Variants in SOWAHC observed in about 807,000 individuals in gnomAD.
The protein encoded by SOWAHC is ankyrin repeat domain-containing protein SOWAHC.
In SOWAHC, 12 loss-of-function variants were observed where a neutral mutation model predicts 14.4. The ratio of observed to expected loss-of-function variants is 0.83; its 90% CI spans 0.53 to 1.35. The LOEUF (loss-of-function observed/expected upper bound fraction) is 1.35. Among genes scored for constraint, SOWAHC ranks in the 40% most tolerant of loss-of-function variants. The pLI is 0.00. For missense variants in SOWAHC, 771 were observed against 752.8 expected, an observed-to-expected ratio of 1.02 and a Z score of -0.28; for synonymous variants, 398 against 347.0, an observed-to-expected ratio of 1.15 and a Z score of -1.63.
chr2:109,614,546 G>C lies in SOWAHC; in HGVS notation c.57G>C (p.Leu19=). ...CGGCGCTGGGCCCCGAGGCGGTGCT[G>C]CGCTTCCTGGCGGAGCGCGGGGGCC... The part of the protein sequence containing the change: ...PEAALGPEAV[L]RFLAERGGRA... Residue 19 remains leucine (L), a synonymous_variant, in exon 1 of 1, where the codon CTG becomes CTC. Coordinates refer to ENST00000356454, the MANE Select transcript of SOWAHC (RefSeq NM_023016.4). 7.6e-7 allele frequency: 1 copy of C among 1,318,220 alleles called. No individual in the cohort carries two copies. The highest frequency in any genetic ancestry group is 9.6e-7 in the Non-Finnish European group (1 of 1,040,920). 81.7% of individuals were successfully genotyped at this position (1,318,220 alleles called of 1,614,324 possible). A position where few individuals can be genotyped will look rare whatever the true frequency, so the allele number is the denominator to read the frequency against.
rs1014286848 is a variant in SOWAHC at position 109,615,061 on chromosome 2, C to A, written c.572C>A (p.Ser191Tyr). 6.5e-7 allele frequency: 1 copy of A among 1,549,310 alleles called. No individual in the cohort carries two copies. The highest frequency in any genetic ancestry group is 2.0e-5 in the Admixed American group (1 of 51,002). ...HGCEEADRGS[S>Y]LVGATAQRPA... ...TGCGAGGAGGCGGACAGGGGCAGCTCCCTTGTGGGGGCTACCGCACAGAGG... is the reference window on the plus strand; with the variant it reads ...TGCGAGGAGGCGGACAGGGGCAGCTACCTTGTGGGGGCTACCGCACAGAGG... Residue 191 changes from serine (S) to tyrosine (Y), a missense_variant, in exon 1 of 1, where the codon TCC becomes TAC. Transcript: ENST00000356454.
Position 109,615,657 on chromosome 2 carries a change from A to T in SOWAHC, c.1168A>T (p.Ile390Phe), listed in dbSNP as rs1238523004. The change falls in exon 1 of 1, where the codon ATC becomes TTC. Residue 390 changes from isoleucine (I) to phenylalanine (F), a missense_variant. Transcript: ENST00000356454. ...QYLSRSIAEE[I>F]KNLVGALDEG... ...CCTGAGTCGGAGCATCGCCGAGGAG[A>T]TCAAGAACCTGGTGGGAGCCCTGGA... is the stretch of plus-strand genomic sequence containing the variant. 1 of 1,613,646 alleles carries T rather than the reference A, an allele frequency of 6.2e-7. No homozygotes were observed. Among genetic ancestry groups the T allele is most frequent in the Non-Finnish European group, 8.5e-7 (1 of 1,179,726 alleles).
In SOWAHC at chr2:109,614,871, C is replaced by T; in HGVS notation, c.382C>T (p.Pro128Ser). 7.0e-7 allele frequency: 1 copy of T among 1,421,580 alleles called. No homozygotes were observed. The highest frequency in any genetic ancestry group is 9.1e-7 in the Non-Finnish European group (1 of 1,100,198). 88.1% of individuals were successfully genotyped at this position (1,421,580 alleles called of 1,614,324 possible). A position where few individuals can be genotyped will look rare whatever the true frequency, so the allele number is the denominator to read the frequency against. ...LPDAAAPESL[P>S]GQGRELGEGE... ...CGACGCGGCGGCCCCGGAGTCGCTC[C>T]CTGGACAGGGCCGCGAGCTGGGCGA... The change falls in exon 1 of 1, where the codon CCT (proline) becomes TCT (serine). Residue 128 changes from proline to serine, a missense_variant. Coordinates refer to ENST00000356454, the MANE Select transcript of SOWAHC (RefSeq NM_023016.4).
In SOWAHC at chr2:109,615,951, T is replaced by G; in HGVS notation, c.1462T>G (p.Phe488Val). Reference sequence around the variant, plus strand: ...CCAGATCGTCCACACCACACCCTCTTTCAGGGACCCAGAGCAGCCGCTGGA... The same window carrying G: ...CCAGATCGTCCACACCACACCCTCTGTCAGGGACCCAGAGCAGCCGCTGGA... ...RTQIVHTTPS[F>V]RDPEQPLEGR... The change falls in exon 1 of 1, where the codon TTC becomes GTC. Residue 488 changes from phenylalanine to valine, a missense_variant. Physicochemically the swap from Phe to Val is conservative, Grantham distance 50 (BLOSUM62 -1). Coordinates refer to ENST00000356454, the MANE Select transcript of SOWAHC (RefSeq NM_023016.4). 6.3e-7 allele frequency: 1 copy of G among 1,593,848 alleles called. No individual in the cohort carries two copies. Among genetic ancestry groups the G allele is most frequent in the Non-Finnish European group, 8.5e-7 (1 of 1,170,808 alleles).
At position 109,616,983 on chromosome 2, in the gene SOWAHC, A is replaced by G. The variant is rs1700160284; in HGVS notation, c.*916A>G. ...TGTTCTATTTGGCATAACCCTATTTAATGGTGCTTAGAGCTGAATTACCTA... is the reference window on the plus strand; with the variant it reads ...TGTTCTATTTGGCATAACCCTATTTGATGGTGCTTAGAGCTGAATTACCTA... On this transcript the variant is annotated 3_prime_UTR_variant, in exon 1 of 1. Coordinates refer to ENST00000356454, the MANE Select transcript of SOWAHC (RefSeq NM_023016.4). 1 of 166,908 alleles carries G rather than the reference A, an allele frequency of 6.0e-6. No individual in the cohort carries two copies. Among genetic ancestry groups the G allele is most frequent in the African/African-American group, 2.4e-5 (1 of 41,458 alleles). The allele number at this position is 166,908 out of a possible 1,614,324, so 10.3% of individuals were successfully genotyped here.
At position 109,616,017 on chromosome 2, in the gene SOWAHC, A is replaced by T; in HGVS notation, c.1528A>T (p.Lys510Ter). 1 of 1,526,010 alleles carries T rather than the reference A, an allele frequency of 6.6e-7. No individual in the cohort carries two copies. The highest frequency in any genetic ancestry group is 8.8e-7 in the Non-Finnish European group (1 of 1,139,996). The allele number at this position is 1,526,010 out of a possible 1,614,324, so 94.5% of individuals were successfully genotyped here. Residue 510 changes from lysine to a stop codon, truncating the protein, a stop_gained, in exon 1 of 1, where the codon AAA becomes TAA. Coordinates refer to ENST00000356454, the MANE Select transcript of SOWAHC (RefSeq NM_023016.4). LOFTEE classifies it high-confidence loss of function. ...EEGVGEERPV[K>*]GHSPFTLRPK... ...GGGAGTGGGGGAGGAACGACCTGTTAAAGGCCACTCGCCCTTCACATTGAG... is the reference window on the plus strand; with the variant it reads ...GGGAGTGGGGGAGGAACGACCTGTTTAAGGCCACTCGCCCTTCACATTGAG...
Position 109,615,570 on chromosome 2 carries a change from G to GT in SOWAHC, c.1082dup (p.Ala363GlyfsTer39), listed in dbSNP as rs1558940735. 1 of 1,614,078 alleles carries GT rather than the reference G, an allele frequency of 6.2e-7. No homozygotes were observed. The highest frequency in any genetic ancestry group is 1.7e-5 in the Admixed American group (1 of 60,038). ...CCACGTGGAGGTGGTGAAGCTGCTG[G>GT]TGGGGGCCTACGACGCCGATGTGGA... On this transcript the variant is annotated frameshift_variant, in exon 1 of 1. Coordinates refer to ENST00000356454, the MANE Select transcript of SOWAHC (RefSeq NM_023016.4). LOFTEE classifies it high-confidence loss of function.
At position 109,618,362 on chromosome 2, in the gene SOWAHC, ATC is replaced by A. The variant is rs1418143437; in HGVS notation, c.*2299_*2300del. ...AAGGTTCTGGTCAACAGTCAGTATT[ATC>A]TCTTAAATGTATATGTTGGTCACTA... On this transcript the variant is annotated 3_prime_UTR_variant, in exon 1 of 1. Transcript: ENST00000356454. 6.0e-6 allele frequency: 1 copy of A among 167,058 alleles called. No homozygotes were observed. The highest frequency in any genetic ancestry group is 1.5e-5 in the Non-Finnish European group (1 of 68,126). 10.3% of individuals were successfully genotyped at this position (167,058 alleles called of 1,614,324 possible).
In SOWAHC at chr2:109,614,368, G is replaced by A. The variant is rs986328159; in HGVS notation, c.-122G>A. On this transcript the variant is annotated 5_prime_UTR_variant, in exon 1 of 1. Coordinates refer to ENST00000356454, the MANE Select transcript of SOWAHC (RefSeq NM_023016.4). Reference sequence around the variant, plus strand: ...GTGGCCGAGTCCTCTGGCCTCAGACGCGTAGGCTGGCAGCCCGCTGAGCCC... The same window carrying A: ...GTGGCCGAGTCCTCTGGCCTCAGACACGTAGGCTGGCAGCCCGCTGAGCCC... The A allele has an allele frequency of 9.8e-6, 8 of 813,922 alleles. No individual in the cohort carries two copies. Among genetic ancestry groups the A allele is most frequent in the Non-Finnish European group, 1.3e-5 (8 of 618,264 alleles). The allele number at this position is 813,922 out of a possible 1,614,324, so 50.4% of individuals were successfully genotyped here. A position where few individuals can be genotyped will look rare whatever the true frequency, so the allele number is the denominator to read the frequency against.
In SOWAHC at chr2:109,615,803, T is replaced by A; in HGVS notation, c.1314T>A (p.His438Gln). The change falls in exon 1 of 1, where the codon CAT (histidine) becomes CAA (glutamine). Residue 438 changes from histidine to glutamine, a missense_variant. Physicochemically the swap from His to Gln is conservative, Grantham distance 24 (BLOSUM62 0). Transcript: ENST00000356454. ...ACGCCCTAGAAGATGGAGGGGACCA[T>A]CACCACCATCACCACTCGGCTGAGG... Reference protein sequence around the residue: ...LSHALEDGGDHHHHHHSAEGW... With the variant: ...LSHALEDGGDQHHHHHSAEGW... 1 of 1,613,896 alleles carries A rather than the reference T, an allele frequency of 6.2e-7. No homozygotes were observed. The highest frequency in any genetic ancestry group is 8.5e-7 in the Non-Finnish European group (1 of 1,179,932).
chr2:109,616,077 C>T lies in SOWAHC; in HGVS notation c.*10C>T. On this transcript the variant is annotated 3_prime_UTR_variant, in exon 1 of 1. Coordinates refer to ENST00000356454, the MANE Select transcript of SOWAHC (RefSeq NM_023016.4). ...CAATGTATTTGGGTAAAAATTGCTT[C>T]TTTTAGAAAATGCAAAGGTTTATTT... 1 of 1,494,350 alleles carries T rather than the reference C, an allele frequency of 6.7e-7. No homozygotes were observed. The allele number at this position is 1,494,350 out of a possible 1,614,324, so 92.6% of individuals were successfully genotyped here.
chr2:109,615,286 C>T lies in SOWAHC; in HGVS notation c.797C>T (p.Pro266Leu). Residue 266 changes from proline (P) to leucine (L), a missense_variant, in exon 1 of 1, where the codon CCC becomes CTC. By Grantham distance (98) the Pro-to-Leu change is moderately conservative (BLOSUM62 -3). Coordinates refer to ENST00000356454, the MANE Select transcript of SOWAHC (RefSeq NM_023016.4). ...SSGGGSVTLD[P>L]LEHAWMLSAS... Reference sequence around the variant, plus strand: ...GGCGGAGGCTCCGTGACGCTGGACCCCCTGGAGCACGCGTGGATGCTCTCT... The same window carrying T: ...GGCGGAGGCTCCGTGACGCTGGACCTCCTGGAGCACGCGTGGATGCTCTCT... 1 of 1,593,332 alleles carries T rather than the reference C, an allele frequency of 6.3e-7. No individual in the cohort carries two copies. The highest frequency in any genetic ancestry group is 8.5e-7 in the Non-Finnish European group (1 of 1,171,098).
In SOWAHC at chr2:109,614,791, C is replaced by T; in HGVS notation, c.302C>T (p.Ala101Val). Residue 101 changes from alanine to valine, a missense_variant, in exon 1 of 1, where the codon GCC becomes GTC. Transcript: ENST00000356454. ...SGDPPRIQVTAEPEAPDGPAG... is the reference protein window; with the variant it reads ...SGDPPRIQVTVEPEAPDGPAG... ...GACCCGCCGCGAATCCAGGTGACCG[C>T]CGAGCCCGAGGCCCCCGACGGCCCT... is the stretch of plus-strand genomic sequence containing the variant. The T allele has an allele frequency of 6.8e-7, 1 of 1,474,088 alleles. No homozygotes were observed. The highest frequency in any genetic ancestry group is 8.9e-7 in the Non-Finnish European group (1 of 1,118,062). 91.3% of individuals were successfully genotyped at this position (1,474,088 alleles called of 1,614,324 possible). A position where few individuals can be genotyped will look rare whatever the true frequency, so the allele number is the denominator to read the frequency against.
Position 109,614,416 on chromosome 2 carries a change from AGC to A in SOWAHC, c.-73_-72del. On this transcript the variant is annotated 5_prime_UTR_variant, in exon 1 of 1. Coordinates refer to ENST00000356454, the MANE Select transcript of SOWAHC (RefSeq NM_023016.4). ...CCCGCCAGACTCCGCCGCCGTCGGGAGCCGGCCGCTGGGAGCCCGTCGCTATG... is the reference window on the plus strand; with the variant it reads ...CCCGCCAGACTCCGCCGCCGTCGGGACGGCCGCTGGGAGCCCGTCGCTATG... 9.2e-7 allele frequency: 1 copy of A among 1,089,816 alleles called. No homozygotes were observed. Among genetic ancestry groups the A allele is most frequent in the East Asian group, 3.6e-5 (1 of 27,750 alleles). The allele number at this position is 1,089,816 out of a possible 1,614,324, so 67.5% of individuals were successfully genotyped here.
In SOWAHC at chr2:109,616,425, T is replaced by G. The variant is rs1007050637; in HGVS notation, c.*358T>G. 6 of 177,424 alleles carry G rather than the reference T, an allele frequency of 3.4e-5. No individual in the cohort carries two copies. Among genetic ancestry groups the G allele is most frequent in the Non-Finnish European group, 7.9e-5 (6 of 75,580 alleles). 11.0% of individuals were successfully genotyped at this position (177,424 alleles called of 1,614,324 possible). On this transcript the variant is annotated 3_prime_UTR_variant, in exon 1 of 1. Transcript: ENST00000356454. Reference sequence around the variant, plus strand: ...GCCTGCAAAGTAAGGAATAATGCAGTTTTTATGTATCTGATTTTATAAGGG... The same window carrying G: ...GCCTGCAAAGTAAGGAATAATGCAGGTTTTATGTATCTGATTTTATAAGGG...
chr2:109,617,169 T>C lies in SOWAHC; in HGVS notation c.*1102T>C, dbSNP rs986127774. 1.8e-4 allele frequency: 30 copies of C among 166,624 alleles called. No homozygotes were observed. Among genetic ancestry groups the C allele is most frequent in the Non-Finnish European group, 3.1e-4 (21 of 68,112 alleles). 10.3% of individuals were successfully genotyped at this position (166,624 alleles called of 1,614,324 possible). On this transcript the variant is annotated 3_prime_UTR_variant, in exon 1 of 1. Coordinates refer to ENST00000356454, the MANE Select transcript of SOWAHC (RefSeq NM_023016.4). ...GTCTCTATGACTTGTAGCAATGTTT[T>C]ACAAATGTTTAAAATGCTAAACTTA...
In SOWAHC at chr2:109,615,344, C is replaced by T. The variant is rs1342094370; in HGVS notation, c.855C>T (p.Gly285=). The change falls in exon 1 of 1, where the codon GGC becomes GGT. Residue 285 remains glycine (G), a synonymous_variant. Coordinates refer to ENST00000356454, the MANE Select transcript of SOWAHC (RefSeq NM_023016.4). ...ATGGCAAGTGGGACAGCCTGGAGGGCTTGCTCACCTGCGAGCCCGGCCTGC... is the reference window on the plus strand; with the variant it reads ...ATGGCAAGTGGGACAGCCTGGAGGGTTTGCTCACCTGCGAGCCCGGCCTGC... ...ASDGKWDSLE[G]LLTCEPGLLV... 1.9e-6 allele frequency: 3 copies of T among 1,612,388 alleles called. No homozygotes were observed. Among genetic ancestry groups the T allele is most frequent in the Non-Finnish European group, 1.7e-6 (2 of 1,179,840 alleles).
At position 109,615,827 on chromosome 2, in the gene SOWAHC, G is replaced by A. The variant is rs1446742605; in HGVS notation, c.1338G>A (p.Glu446=). 2 of 1,614,184 alleles carry A rather than the reference G, an allele frequency of 1.2e-6. No individual in the cohort carries two copies. Among genetic ancestry groups the A allele is most frequent in the East Asian group, 2.2e-5 (1 of 44,866 alleles). ...GDHHHHHHSA[E]GWVGGKAKDP... ...ATCACCACCATCACCACTCGGCTGA[G>A]GGGTGGGTCGGAGGCAAAGCCAAGG... The change falls in exon 1 of 1, where the codon GAG becomes GAA. Residue 446 remains glutamate (E), a synonymous_variant. Coordinates refer to ENST00000356454, the MANE Select transcript of SOWAHC (RefSeq NM_023016.4).
Position 109,616,142 on chromosome 2 carries a change from G to T in SOWAHC, c.*75G>T. ...AATACTAGGTGTTGTAAGGAAGTGA[G>T]ACCAGAAGGACAAGCTAAATTATGC... On this transcript the variant is annotated 3_prime_UTR_variant, in exon 1 of 1. Coordinates refer to ENST00000356454, the MANE Select transcript of SOWAHC (RefSeq NM_023016.4). 7.1e-7 allele frequency: 1 copy of T among 1,412,212 alleles called. No homozygotes were observed. Among genetic ancestry groups the T allele is most frequent in the South Asian group, 1.8e-5 (1 of 56,224 alleles). The allele number at this position is 1,412,212 out of a possible 1,614,324, so 87.5% of individuals were successfully genotyped here. A position where few individuals can be genotyped will look rare whatever the true frequency, so the allele number is the denominator to read the frequency against.
Sources: gnomAD v4.1 joint callset for allele counts on GRCh38, gnomAD v4.1.1 for gene constraint, MANE v1.5 for transcripts, NCBI Gene and HGNC (gene_info 2026-07-23, HGNC 2026-07-21) for gene names.